The following VASH1 variants were observed in gnomAD, a reference collection of about 807,000 sequenced individuals.
VASH1 encodes vasohibin 1, also known as tubulinyl-Tyr carboxypeptidase 1.
Under a neutral mutation model 35.0 loss-of-function variants are expected in VASH1, and 16 were observed. The observed-to-expected ratio is 0.46, with a 90% confidence interval of 0.31 to 0.70. VASH1 has a LOEUF of 0.70. Ranked by LOEUF, VASH1 falls within the 30% of genes least tolerant of loss-of-function variation. VASH1 has a pLI of 0.05. For synonymous variants in VASH1, 214 were observed against 200.9 expected (o/e 1.07, Z -0.55); for missense variants, 505 against 510.7 (o/e 0.99, Z 0.11).
At position 76,780,804 on chromosome 14, in the gene VASH1, A is replaced by C. The variant is rs1894084982; in HGVS notation, c.*1786A>C. 6.6e-6 allele frequency: 1 copy of C among 152,216 alleles called. No individual in the cohort carries two copies. Among genetic ancestry groups the C allele is most frequent in the Non-Finnish European group, 1.5e-5 (1 of 68,038 alleles). 9.4% of individuals were successfully genotyped at this position (152,216 alleles called of 1,614,324 possible). A position where few individuals can be genotyped will look rare whatever the true frequency, so the allele number is the denominator to read the frequency against. ...AGAGGATGCCAGTTTGCAATCCCTG[A>C]AGTAGAGAGAGCTCGTGCTGGGGAG... is the stretch of plus-strand genomic sequence containing the variant. On this transcript the variant is annotated 3_prime_UTR_variant, in exon 7 of 7. Transcript: ENST00000167106.
rs143870199 is a variant in VASH1 at position 76,780,190 on chromosome 14, G to GGGTA, written c.*1176_*1179dup. 410 of 153,892 alleles carry GGGTA rather than the reference G, an allele frequency of 2.7e-3. 4 individuals carry two copies. The East Asian group carries it at 0.051, about 19-fold the overall frequency. 9.5% of individuals were successfully genotyped at this position (153,892 alleles called of 1,614,324 possible). A position where few individuals can be genotyped will look rare whatever the true frequency, so the allele number is the denominator to read the frequency against. ...GATGCGGAGAGGTTGGCAGAGCCAG[G>GGGTA]GGTAGGTTCTGGAGGCTCAAGCAAC... On this transcript the variant is annotated 3_prime_UTR_variant, in exon 7 of 7. Coordinates refer to ENST00000167106, the MANE Select transcript of VASH1 (RefSeq NM_014909.5).
At chr14:76,778,683 T>G (rs1033048298) in intron 6 of VASH1, among the ~76,000 whole-genome samples, 1 of 152,338 alleles carries the variant, frequency 6.6e-6, no homozygotes, top group East Asian at 1.9e-4. Context: ...ATTTATACTT[T>G]AAGCTGTTAC....
rs1893907147 is a variant in VASH1, at chr14:76,775,399, G to A, written c.531-493G>A. On this transcript the variant is annotated intron_variant, in intron 4 of 6. Coordinates refer to ENST00000167106, the MANE Select transcript of VASH1 (RefSeq NM_014909.5). Reference sequence around the variant, plus strand: ...TGGGGCTGGCTGGGGGCACCTCCCAGGCCTCAGTAGTACACGTGATTGTAT... The same window carrying A: ...TGGGGCTGGCTGGGGGCACCTCCCAAGCCTCAGTAGTACACGTGATTGTAT... 5.9e-5 allele frequency among the ~76,000 whole-genome samples: 9 copies of A among 152,232 alleles called. No individual in the cohort carries two copies. In the South Asian group the frequency reaches 1.9e-3, roughly 32 times the overall value.
chr14:76,766,862 G>A (rs576775661), intron 1 of VASH1, among the ~76,000 whole-genome samples: 3 of 152,264 alleles, frequency 2.0e-5, no homozygotes, highest in South Asian at 2.1e-4. Context: ...CTAAGGCCTC[G>A]ACCTGCAGCA....
intron 1 of VASH1, 151 bp downstream of exon 1, chr14:76,763,281 A>C: frequency 2.4e-6 from 2 of 821,780 alleles, no homozygotes; most frequent in Middle Eastern, 8.0e-4. Context: ...TGTCTAGGAG[A>C]ACTTTCTCTC....
At chr14:76,763,214 C>T (rs1893552707) in intron 1 of VASH1, 84 bp downstream of exon 1, 4 of 1,297,296 alleles carry the variant, frequency 3.1e-6, no homozygotes, top group Middle Eastern at 2.4e-4. Flanking sequence ...ACTCTCCTCC[C>T]ACGGGGCAGG....
Position 76,777,975 on chromosome 14 carries a change from GC to G in VASH1, c.932del (p.Pro311LeufsTer87). The G allele has an allele frequency of 6.5e-7, 1 of 1,534,578 alleles. No homozygotes were observed. Among genetic ancestry groups the G allele is most frequent in the Non-Finnish European group, 8.8e-7 (1 of 1,141,160 alleles). On this transcript the variant is annotated frameshift_variant, in exon 6 of 7. Coordinates refer to ENST00000167106, the MANE Select transcript of VASH1 (RefSeq NM_014909.5). LOFTEE classifies it high-confidence loss of function. The stretch of plus-strand genomic sequence containing the variant: ...TGCACCTAGATTGGCAAAGGGACGG[GC>G]CCTCCCTCTCCCACCAAGGACCGGA... ...DMRLKIGKGT[G>X]PPSPTKDRKK...
At chr14:76,770,132 C>A in intron 2 of VASH1, 81 bp downstream of exon 2, 2 of 1,350,166 alleles carry the variant, frequency 1.5e-6, no homozygotes, top group South Asian at 1.2e-5. Flanking sequence ...GGAGAGGTAT[C>A]AGCAGAGCCG....
At chr14:76,771,145 A>C (rs1893784298) in intron 2 of VASH1, 45 bp from the exon 3 acceptor site, 1 of 1,500,406 alleles carries the variant, frequency 6.7e-7, no homozygotes, top group African/African-American at 1.4e-5. Flanking sequence ...GAGAGGGTCA[A>C]CCTCCTTCAG....
At position 76,762,545 on chromosome 14, in the gene VASH1, A is replaced by G. The variant is rs113709385; in HGVS notation, c.-277A>G. On this transcript the variant is annotated 5_prime_UTR_variant, in exon 1 of 7. Coordinates refer to ENST00000167106, the MANE Select transcript of VASH1 (RefSeq NM_014909.5). ...CGCAGTTAGATGGGGGTGCTTTGTG[A>G]CGGCTGCCAAGTTGGGGTGTGTTCT... 2.1e-4 allele frequency: 66 copies of G among 307,870 alleles called. 1 individual carries two copies. Among genetic ancestry groups the G allele is most frequent in the African/African-American group, 1.4e-3 (63 of 46,614 alleles). 19.1% of individuals were successfully genotyped at this position (307,870 alleles called of 1,614,324 possible).
chr14:76,774,369 A>C (rs1893875244), intron 4 of VASH1: 1 of 152,194 alleles, frequency 6.6e-6, no homozygotes, highest in Non-Finnish European at 1.5e-5. Flanking sequence ...CCACCCGAGA[A>C]ATTCAGGCTG....
intron 5 of VASH1, among the ~76,000 whole-genome samples, chr14:76,777,512 G>A (rs957011128): frequency 2.6e-5 from 4 of 152,260 alleles, no homozygotes; most frequent in African/African-American, 4.8e-5. Context: ...CCATATAAAG[G>A]ATGACTCTTT....
At chr14:76,768,184 C>T (rs1276137079) in intron 1 of VASH1, among the ~76,000 whole-genome samples, 1 of 152,218 alleles carries the variant, frequency 6.6e-6, no homozygotes, top group Admixed American at 6.5e-5. Context: ...CCTTCCACCT[C>T]CCCACCCCTG....
intron 1 of VASH1, among the ~76,000 whole-genome samples, chr14:76,767,573 C>T (rs998269829): frequency 5.3e-5 from 8 of 152,272 alleles, no homozygotes; most frequent in Admixed American, 2.0e-4. Context: ...TCCCCCTTAC[C>T]GTGCCCCACT....
At chr14:76,773,695 G>A (rs1209977666) in intron 4 of VASH1, 1 of 159,098 alleles carries the variant, frequency 6.3e-6, no homozygotes, top group African/African-American at 2.4e-5. Context: ...CAACCCAAAG[G>A]GCAGAAGTGG....
chr14:76,775,925 C>T lies in VASH1; in HGVS notation c.564C>T (p.Arg188=). 1.2e-6 allele frequency: 2 copies of T among 1,601,738 alleles called. No homozygotes were observed. Among genetic ancestry groups the T allele is most frequent in the Non-Finnish European group, 1.7e-6 (2 of 1,174,118 alleles). Residue 188 remains arginine (R), a synonymous_variant, in exon 5 of 7, where the codon CGC becomes CGT. Transcript: ENST00000167106. ...CCAACAGCATGCCCACCCTGGAGCG[C>T]TTCCCCATCAGCTTCAAGACCTACT... is the stretch of plus-strand genomic sequence containing the variant. ...YLTNSMPTLE[R]FPISFKTYFS... is the part of the protein sequence containing the mutation.
chr14:76,776,202 G>A lies in VASH1; in HGVS notation c.841G>A (p.Asp281Asn), dbSNP rs376731936. The A allele has an allele frequency of 6.2e-7, 1 of 1,610,094 alleles. No homozygotes were observed. Among genetic ancestry groups the A allele is most frequent in the Non-Finnish European group, 8.5e-7 (1 of 1,179,650 alleles). ...EQIEWKHSVL[D>N]VERLGRDDFR... ...GATCGAGTGGAAGCACTCGGTGCTGGACGTGGAGCGCCTGGGCCGCGATGA... is the reference window on the plus strand; with the variant it reads ...GATCGAGTGGAAGCACTCGGTGCTGAACGTGGAGCGCCTGGGCCGCGATGA... Residue 281 changes from aspartate (D) to asparagine (N), a missense_variant, in exon 5 of 7, where the codon GAC becomes AAC. Transcript: ENST00000167106.
chr14:76,762,139 G>A lies in VASH1; in HGVS notation c.-683G>A, dbSNP rs1221120302. On this transcript the variant is annotated 5_prime_UTR_variant, in exon 1 of 7. Coordinates refer to ENST00000167106, the MANE Select transcript of VASH1 (RefSeq NM_014909.5). ...CCCAGACAAAGCCCACTTTGTGCAG[G>A]GAGTTGGCCGCAGGCGGGGAATGTG... is the stretch of plus-strand genomic sequence containing the variant. 1 of 152,268 alleles carries A rather than the reference G, an allele frequency of 6.6e-6. No individual in the cohort carries two copies. Among genetic ancestry groups the A allele is most frequent in the Non-Finnish European group, 1.5e-5 (1 of 68,052 alleles). 9.4% of individuals were successfully genotyped at this position (152,268 alleles called of 1,614,324 possible). A position where few individuals can be genotyped will look rare whatever the true frequency, so the allele number is the denominator to read the frequency against.
chr14:76,770,189 C>A, intron 2 of VASH1, 138 bp downstream of exon 2: 2 of 790,950 alleles, frequency 2.5e-6, no homozygotes, highest in Non-Finnish European at 4.0e-6. Flanking sequence ...CATCTCTGTG[C>A]TCCCTGGTGC....
Sources: allele counts gnomAD v4.1 joint callset (sites outside exome capture counted in the v4.1 genomes callset), GRCh38; gene constraint gnomAD v4.1.1; transcripts MANE v1.5; gene names NCBI Gene and HGNC (gene_info 2026-07-23, HGNC 2026-07-21).